SMARCA2: variants seen among roughly 807,000 people sequenced by gnomAD.
SMARCA2 encodes SWI/SNF related BAF chromatin remodeling complex subunit ATPase 2.
In SMARCA2, 61 loss-of-function variants were observed where a neutral mutation model predicts 199.8. That is an observed-to-expected ratio of 0.31 (90% CI 0.25 to 0.38). SMARCA2 has a LOEUF of 0.38. SMARCA2 is among the 10% of genes least tolerant of loss of function. The pLI is 1.00. For missense variants in SMARCA2, 1,344 were observed against 2,012.2 expected (o/e 0.67, Z 6.35); for synonymous variants, 935 against 732.0 (o/e 1.28, Z -4.48).
chr9:2,073,147 G>A (rs993915032), intron 10 of SMARCA2, 65 bp from the exon 11 acceptor site: 67 of 1,575,630 alleles, frequency 4.3e-5, no homozygotes, highest in Non-Finnish European at 5.2e-5. Context: ...GCTGAGAAAC[G>A]TCCAGTACAG....
intron 12 of SMARCA2, among the ~76,000 whole-genome samples, chr9:2,075,655 T>G (rs1172897266): frequency 6.6e-6 from 1 of 152,006 alleles, no homozygotes; most frequent in African/African-American, 2.4e-5. Context: ...TTTTTTTTGT[T>G]TTGTTTTGTG....
At position 2,070,527 on chromosome 9, in the gene SMARCA2, C is replaced by G. The variant is rs1397966674; in HGVS notation, c.1746+56C>G. On this transcript the variant is annotated intron_variant, in intron 10 of 33. Coordinates refer to ENST00000349721, the MANE Select transcript of SMARCA2 (RefSeq NM_003070.5). The stretch of plus-strand genomic sequence containing the variant: ...CTGCTGAATGGAGTCTGTGCCATAC[C>G]TGGCAGCACCATTCTTCATGCATAC... 4.7e-6 allele frequency: 6 copies of G among 1,281,470 alleles called. No individual in the cohort carries two copies. In the African/African-American group the frequency reaches 7.3e-5, roughly 16 times the overall value. 79.4% of individuals were successfully genotyped at this position (1,281,470 alleles called of 1,614,324 possible).
intron 14 of SMARCA2, among the ~76,000 whole-genome samples, chr9:2,079,315 A>G (rs994974687): frequency 2.6e-5 from 4 of 152,190 alleles, no homozygotes; most frequent in Non-Finnish European, 5.9e-5. Context: ...TATATCACCA[A>G]TTAACATCCT....
chr9:2,186,009 A>G (rs1827422625), intron 31 of SMARCA2, 87 bp from the exon 32 acceptor site: 2 of 1,279,286 alleles, frequency 1.6e-6, no homozygotes, highest in African/African-American at 3.0e-5. Flanking sequence ...AATTCATGTG[A>G]ATTAAGCTGG....
At chr9:2,055,918 T>C (rs1320831604) in intron 6 of SMARCA2, among the ~76,000 whole-genome samples, 1 of 152,258 alleles carries the variant, frequency 6.6e-6, no homozygotes, top group Non-Finnish European at 1.5e-5. Flanking sequence ...TTCTGATTTT[T>C]GTTTGATATT....
chr9:2,047,515 G>T, intron 5 of SMARCA2, 31 bp downstream of exon 5: 1 of 1,359,752 alleles, frequency 7.4e-7, no homozygotes. Flanking sequence ...GGGGCCCCCT[G>T]CGGTGTGCTA....
chr9:2,050,208 T>C (rs757141317), intron 5 of SMARCA2, among the ~76,000 whole-genome samples: 5 of 152,250 alleles, frequency 3.3e-5, no homozygotes, highest in Non-Finnish European at 7.3e-5. Flanking sequence ...ACAAGCTCTC[T>C]AGTTCAAACA....
At chr9:2,089,564 TC>T (rs1339098135) in intron 19 of SMARCA2, among the ~76,000 whole-genome samples, 2 of 152,198 alleles carry the variant, frequency 1.3e-5, no homozygotes, top group African/African-American at 4.8e-5. Flanking sequence ...AGAATTTTAT[TC>T]CCTAATCCTT....
In SMARCA2 at chr9:2,111,512, A is replaced by AAC. The variant is rs1297901885; in HGVS notation, c.3456+1096_3456+1097insCA. ...GTCTCAAAAAAAAAAAAAAAAAAAGAAAAGCAAAAAGAAAATGGCAACTCT... is the reference window on the plus strand; with the variant it reads ...GTCTCAAAAAAAAAAAAAAAAAAAGAACAAAGCAAAAAGAAAATGGCAACTCT... On this transcript the variant is annotated intron_variant, in intron 24 of 33. Transcript: ENST00000349721. 2.0e-5 allele frequency among the ~76,000 whole-genome samples: 3 copies of AAC among 148,714 alleles called. No homozygotes were observed. In the East Asian group the frequency reaches 5.8e-4, roughly 29 times the overall value.
rs1819914906 is a variant in SMARCA2 at position 2,047,450 on chromosome 9, G to A, written c.1012G>A (p.Asp338Asn). The part of the protein sequence containing the change: ...ISPIQKPQGL[D>N]PVEILQEREY... ...CCCCATCCAGAAACCGCAAGGCCTG[G>A]ACCCCGTGGAAATTCTGCAAGAGCG... is the stretch of plus-strand genomic sequence containing the variant. Residue 338 changes from aspartate (D) to asparagine (N), a missense_variant, in exon 5 of 34, where the codon GAC becomes AAC. Around this residue, in one of 18 missense-constraint regions of SMARCA2, gnomAD observed 155 missense variants for 260.0 expected, o/e 0.60. Coordinates refer to ENST00000349721, the MANE Select transcript of SMARCA2 (RefSeq NM_003070.5). 6.4e-7 allele frequency: 1 copy of A among 1,550,734 alleles called. No individual in the cohort carries two copies. Among genetic ancestry groups the A allele is most frequent in the Admixed American group, 2.1e-5 (1 of 47,382 alleles).
chr9:2,135,142 T>C (rs531417828), intron 27 of SMARCA2, among the ~76,000 whole-genome samples: 57 of 152,312 alleles, frequency 3.7e-4, no homozygotes, highest in African/African-American at 1.3e-3. Context: ...GGACCACTGC[T>C]GGTATAAATC....
chr9:2,051,646 C>G (rs1820123436), intron 5 of SMARCA2, among the ~76,000 whole-genome samples: 1 of 152,186 alleles, frequency 6.6e-6, no homozygotes, highest in Admixed American at 6.5e-5. Context: ...GAGAGTAAAT[C>G]AGAATACCAA....
chr9:2,170,327 C>T lies in SMARCA2; in HGVS notation c.4200-92C>T. ...AGGCAGGTTGGTGAGGAGACTGAGGCTTGGCCAGGTCACCCAGCCTAGGAA... is the reference window on the plus strand; with the variant it reads ...AGGCAGGTTGGTGAGGAGACTGAGGTTTGGCCAGGTCACCCAGCCTAGGAA... On this transcript the variant is annotated intron_variant, in intron 28 of 33. Transcript: ENST00000349721. The surrounding 1 kb of genome is among the most constrained non-coding windows in gnomAD (Gnocchi z 4.7). 1.3e-6 allele frequency: 2 copies of T among 1,556,584 alleles called. No homozygotes were observed. Among genetic ancestry groups the T allele is most frequent in the Non-Finnish European group, 1.8e-6 (2 of 1,140,458 alleles).
At position 2,093,740 on chromosome 9, in the gene SMARCA2, A is replaced by G. The variant is rs376885420; in HGVS notation, c.2884-2917A>G. Among the ~76,000 whole-genome samples the G allele has an allele frequency of 1.6e-4, 24 of 152,330 alleles. No individual in the cohort carries two copies. In the South Asian group the frequency reaches 4.6e-3, roughly 29 times the overall value. The stretch of plus-strand genomic sequence containing the variant: ...TTTCCCATTCCTAGTATTGGTTTTC[A>G]ACAGCCACATCATGGTACATGGGCT... On this transcript the variant is annotated intron_variant, in intron 19 of 33. Coordinates refer to ENST00000349721, the MANE Select transcript of SMARCA2 (RefSeq NM_003070.5).
At chr9:2,083,979 G>A (rs1055298662) in intron 16 of SMARCA2, 107 bp from the exon 17 acceptor site, 21 of 649,250 alleles carry the variant, frequency 3.2e-5, no homozygotes, top group Non-Finnish European at 5.8e-5. Flanking sequence ...ATGTGTGTCT[G>A]TGCATTCTTC....
At chr9:2,087,164 C>T in intron 18 of SMARCA2, 93 bp downstream of exon 18, 2 of 1,475,202 alleles carry the variant, frequency 1.4e-6, no homozygotes, top group South Asian at 1.3e-5. Flanking sequence ...AGAACACCCG[C>T]AGGGTGGTTT....
chr9:2,153,897 G>C (rs1002259889), intron 27 of SMARCA2, among the ~76,000 whole-genome samples: 2 of 152,112 alleles, frequency 1.3e-5, no homozygotes, highest in Non-Finnish European at 1.5e-5. Context: ...TTCCTAAGAT[G>C]TATCATGTTA....
chr9:2,189,111 C>T (rs759643440), intron 32 of SMARCA2, among the ~76,000 whole-genome samples: 8 of 152,214 alleles, frequency 5.3e-5, no homozygotes, highest in Non-Finnish European at 1.2e-4. Context: ...AGACAATTAA[C>T]AGTCTAAAAT....
In SMARCA2 at chr9:2,128,849, G is replaced by A. The variant is rs531870037; in HGVS notation, c.3981+4912G>A. Among the ~76,000 whole-genome samples the A allele has an allele frequency of 4.6e-5, 7 of 152,242 alleles. No individual in the cohort carries two copies. In the South Asian group the frequency reaches 1.5e-3, roughly 32 times the overall value. On this transcript the variant is annotated intron_variant, in intron 27 of 33. Coordinates refer to ENST00000349721, the MANE Select transcript of SMARCA2 (RefSeq NM_003070.5). ...ACCCCAGGCTTGGATTCTGAAGGGG[G>A]AGTATTGCATTTCAACCCAGCTGCA...
Sources: allele counts gnomAD v4.1 joint callset (sites outside exome capture counted in the v4.1 genomes callset), GRCh38; gene constraint gnomAD v4.1.1; regional missense constraint gnomAD v4.1.1; non-coding constraint Gnocchi (gnomAD v3.1); transcripts MANE v1.5; gene names NCBI Gene and HGNC (gene_info 2026-07-23, HGNC 2026-07-21).